Variants in AGBL4 observed in about 807,000 individuals in gnomAD.
The protein encoded by AGBL4 is cytosolic carboxypeptidase 6.
Under a neutral mutation model 66.4 loss-of-function variants are expected in AGBL4, and 58 were observed. The observed-to-expected ratio is 0.87, with a 90% CI of 0.71 to 1.09. The LOEUF (loss-of-function observed/expected upper bound fraction) is 1.09, where lower values mean the gene tolerates loss of function less well. AGBL4 is among the 50% of genes least tolerant of loss of function. AGBL4 has a pLI of 0.00. For missense variants in AGBL4, 579 were observed against 631.0 expected, an observed-to-expected ratio of 0.92 and a Z score of 0.88; for synonymous variants, 234 against 222.9, an observed-to-expected ratio of 1.05 and a Z score of -0.44.
intron 4 of AGBL4, among the ~76,000 whole-genome samples, chr1:49,230,209 T>A (rs538767054): frequency 6.6e-6 from 1 of 152,304 alleles, no homozygotes; most frequent in South Asian, 2.1e-4. Context: ...AGGCAGATCA[T>A]TTCTCCTCTC....
chr1:49,418,669 T>TC, intron 3 of AGBL4, among the ~76,000 whole-genome samples: 1 of 152,220 alleles, frequency 6.6e-6, no homozygotes, highest in South Asian at 2.1e-4. Flanking sequence ...CAGCCTGTGA[T>TC]CCCCCCTGTG....
intron 1 of AGBL4, among the ~76,000 whole-genome samples, chr1:49,973,157 A>G (rs1658272901): frequency 6.6e-6 from 1 of 152,158 alleles, no homozygotes; most frequent in Non-Finnish European, 1.5e-5. Context: ...GCCAGGGTTC[A>G]CAGGTTGGCA....
intron 3 of AGBL4, among the ~76,000 whole-genome samples, chr1:49,343,492 A>AT (rs1316528386): frequency 6.6e-6 from 1 of 152,232 alleles, no homozygotes; most frequent in African/African-American, 2.4e-5. Flanking sequence ...TCAAAGAAGC[A>AT]TACTTTTAGC....
chr1:49,875,481 T>C (rs1442912465), intron 1 of AGBL4, among the ~76,000 whole-genome samples: 1 of 145,240 alleles, frequency 6.9e-6, no homozygotes, highest in Non-Finnish European at 1.5e-5. Context: ...ACAAAGGACA[T>C]GAACTCATCA....
chr1:48,767,482 G>A (rs1403649496), intron 6 of AGBL4, among the ~76,000 whole-genome samples: 5 of 152,178 alleles, frequency 3.3e-5, no homozygotes, highest in African/African-American at 7.2e-5. Flanking sequence ...CAAGCAAGAC[G>A]GATAAGACGT....
intron 11 of AGBL4, among the ~76,000 whole-genome samples, chr1:48,572,394 A>T (rs1644579792): frequency 6.6e-6 from 1 of 151,732 alleles, no homozygotes; most frequent in African/African-American, 2.4e-5. Flanking sequence ...TCGCCTTGAG[A>T]GAGGGAGCTA....
At chr1:49,034,811 A>G (rs1482925102) in intron 5 of AGBL4, among the ~76,000 whole-genome samples, 1 of 152,078 alleles carries the variant, frequency 6.6e-6, no homozygotes, top group Admixed American at 6.6e-5. Flanking sequence ...AGTCATGCTG[A>G]AGTGTGAGTC....
At chr1:49,517,706 G>C (rs975037814) in intron 3 of AGBL4, among the ~76,000 whole-genome samples, 5 of 152,004 alleles carry the variant, frequency 3.3e-5, no homozygotes, top group African/African-American at 1.2e-4. Flanking sequence ...TTATCTTTAA[G>C]TACAAAGTAC....
chr1:49,396,652 C>T (rs919124254), intron 3 of AGBL4, among the ~76,000 whole-genome samples: 1 of 152,054 alleles, frequency 6.6e-6, no homozygotes, highest in South Asian at 2.1e-4. Flanking sequence ...AGATATAATA[C>T]TGTGTGAAAA....
chr1:49,641,916 G>A lies in AGBL4; in HGVS notation c.282+55397C>T, dbSNP rs369616514. 3.3e-5 allele frequency among the ~76,000 whole-genome samples: 5 copies of A among 152,078 alleles called. No homozygotes were observed. In the East Asian group the frequency reaches 9.7e-4, roughly 29 times the overall value. On this transcript the variant is annotated intron_variant, in intron 3 of 13. Transcript: ENST00000371839. Reference sequence around the variant, plus strand: ...GTAACTTCTAAGCCACATTGCTATTGTGATGGCATGTTGAACCCAAAACTC... The same window carrying A: ...GTAACTTCTAAGCCACATTGCTATTATGATGGCATGTTGAACCCAAAACTC...
chr1:49,873,274 A>G (rs1278413865), intron 1 of AGBL4, among the ~76,000 whole-genome samples: 2 of 151,988 alleles, frequency 1.3e-5, no homozygotes, highest in African/African-American at 4.8e-5. Context: ...AAATTATAAT[A>G]ACATGGGATC....
chr1:49,636,367 T>G (rs1247764949), intron 3 of AGBL4, among the ~76,000 whole-genome samples: 1 of 152,170 alleles, frequency 6.6e-6, no homozygotes, highest in African/African-American at 2.4e-5. Context: ...TGTCTCTTCT[T>G]ATACAGGCAC....
rs372262632 is a variant in AGBL4, at chr1:49,017,487, G to A, written c.594+28097C>T. ...CTAACGTGGCATAATATCATCTAAT[G>A]GAGATATTTGGAGTTCAAACATGTA... On this transcript the variant is annotated intron_variant, in intron 5 of 13. Coordinates refer to ENST00000371839, the MANE Select transcript of AGBL4 (RefSeq NM_032785.4). Among the ~76,000 whole-genome samples the A allele has an allele frequency of 8.5e-5, 13 of 152,228 alleles. 1 individual carries two copies. The highest frequency in any genetic ancestry group is 3.1e-4 in the African/African-American group (13 of 41,538).
chr1:48,586,639 T>G (rs1249796173), intron 11 of AGBL4: 1 of 249,418 alleles, frequency 4.0e-6, no homozygotes, highest in Non-Finnish European at 7.9e-6. Flanking sequence ...ATCATCAAGC[T>G]CTTCCTCAGC....
chr1:49,548,222 A>T (rs984394506), intron 3 of AGBL4, among the ~76,000 whole-genome samples: 3 of 152,222 alleles, frequency 2.0e-5, no homozygotes, highest in Non-Finnish European at 2.9e-5. Flanking sequence ...TAGGGTTTTC[A>T]AAGTAAACAA....
At chr1:49,167,761 G>T (rs959857827) in intron 4 of AGBL4, among the ~76,000 whole-genome samples, 10 of 152,144 alleles carry the variant, frequency 6.6e-5, no homozygotes, top group Admixed American at 6.6e-5. Flanking sequence ...TGCGTACACC[G>T]AATTAAATTA....
chr1:48,904,481 C>T (rs1652396452), intron 5 of AGBL4, among the ~76,000 whole-genome samples: 1 of 152,146 alleles, frequency 6.6e-6, no homozygotes, highest in Non-Finnish European at 1.5e-5. Context: ...AGACAAGTTT[C>T]TGAGATGCAT....
At chr1:49,837,534 C>T (rs1453380683) in intron 2 of AGBL4, among the ~76,000 whole-genome samples, 1 of 152,178 alleles carries the variant, frequency 6.6e-6, no homozygotes, top group African/African-American at 2.4e-5. Context: ...CCACTAGTGT[C>T]AACTATGACA....
chr1:49,586,048 T>C (rs916310135), intron 3 of AGBL4, among the ~76,000 whole-genome samples: 5 of 152,184 alleles, frequency 3.3e-5, no homozygotes, highest in Non-Finnish European at 5.9e-5. Flanking sequence ...CAAAGTGAAT[T>C]GCTTATTTTT....
Sources: gnomAD v4.1 joint callset for allele counts (sites outside exome capture counted in the v4.1 genomes callset) on GRCh38, gnomAD v4.1.1 for gene constraint, MANE v1.5 for transcripts, NCBI Gene and HGNC (gene_info 2026-07-23, HGNC 2026-07-21) for gene names.